Variants in IQCM observed in about 807,000 individuals in gnomAD.
IQCM encodes IQ motif containing M, also known as IQ domain-containing protein M.
Under a neutral mutation model 57.6 loss-of-function variants are expected in IQCM, and 45 were observed. That is an observed-to-expected ratio of 0.78 (90% CI 0.62 to 1.00). IQCM has a LOEUF of 1.00. Among genes scored for constraint, IQCM ranks in the 50% least tolerant of loss-of-function variants. IQCM has a pLI of 0.00. For synonymous variants in IQCM, 148 were observed against 158.9 expected (o/e 0.93, Z 0.51); for missense variants, 468 against 511.6 (o/e 0.91, Z 0.82).
intron 2 of IQCM, among the ~76,000 whole-genome samples, chr4:149,773,077 C>T (rs1286815531): frequency 6.6e-6 from 1 of 152,138 alleles, no homozygotes. Context: ...ATCGGCCGGG[C>T]GTGGTGGCTC....
At chr4:149,431,441 C>A (rs961643417) in intron 13 of IQCM, among the ~76,000 whole-genome samples, 1 of 151,778 alleles carries the variant, frequency 6.6e-6, no homozygotes, top group African/African-American at 2.4e-5. Context: ...TTCTTATGGA[C>A]TTTTTGGCCA....
chr4:149,744,483 G>A (rs550597308), intron 2 of IQCM, among the ~76,000 whole-genome samples: 2 of 152,252 alleles, frequency 1.3e-5, no homozygotes, highest in South Asian at 2.1e-4. Flanking sequence ...AGTGTGCCAG[G>A]AGTGTCAGCC....
At position 149,597,405 on chromosome 4, in the gene IQCM, T is replaced by C. The variant is rs574463100; in HGVS notation, c.682-9408A>G. ...TGTGCTTTTTTTCTTTGTTTTTTGTTTTTGAGATAGAGTCTCGCTCTGCTG... is the reference window on the plus strand; with the variant it reads ...TGTGCTTTTTTTCTTTGTTTTTTGTCTTTGAGATAGAGTCTCGCTCTGCTG... On this transcript the variant is annotated intron_variant, in intron 8 of 13. Coordinates refer to ENST00000636793, the MANE Select transcript of IQCM (RefSeq NM_001363507.2). 2.8e-3 allele frequency among the ~76,000 whole-genome samples: 431 copies of C among 152,298 alleles called. 4 individuals carry two copies. The highest frequency in any genetic ancestry group is 5.0e-3 in the Non-Finnish European group (340 of 68,018).
At chr4:149,591,185 AC>A (rs1276985503) in intron 8 of IQCM, among the ~76,000 whole-genome samples, 3 of 152,038 alleles carry the variant, frequency 2.0e-5, no homozygotes, top group East Asian at 3.9e-4. Context: ...ATATTTTTAC[AC>A]CTGAGGCTTC....
In IQCM at chr4:149,738,999, T is replaced by C. The variant is rs557058947; in HGVS notation, c.38-3541A>G. Among the ~76,000 whole-genome samples, 22 of 152,320 alleles carry C rather than the reference T, an allele frequency of 1.4e-4. No individual in the cohort carries two copies. The South Asian group carries it at 3.3e-3, about 23-fold the overall frequency. ...ACAACATTTTTATTAAAGCTCCATC[T>C]AGTCAATAATCTTTGAGGCTTCTCT... On this transcript the variant is annotated intron_variant, in intron 3 of 13. Coordinates refer to ENST00000636793, the MANE Select transcript of IQCM (RefSeq NM_001363507.2).
At chr4:149,725,272 C>T (rs1016736220) in intron 5 of IQCM, among the ~76,000 whole-genome samples, 6 of 152,122 alleles carry the variant, frequency 3.9e-5, no homozygotes, top group East Asian at 1.9e-4. Context: ...ACTCTAAACA[C>T]GCAGTACACA....
At chr4:149,528,165 T>C (rs926075122) in intron 12 of IQCM, among the ~76,000 whole-genome samples, 1 of 151,990 alleles carries the variant, frequency 6.6e-6, no homozygotes, top group African/African-American at 2.4e-5. Flanking sequence ...TTTGTATTTT[T>C]ATTAGAGATG....
chr4:149,666,476 G>C (rs1304980981), intron 7 of IQCM, among the ~76,000 whole-genome samples: 1 of 152,096 alleles, frequency 6.6e-6, no homozygotes, highest in Non-Finnish European at 1.5e-5. Context: ...CAGGGCCCTG[G>C]GTTTCAAGCA....
intron 13 of IQCM, among the ~76,000 whole-genome samples, chr4:149,431,651 T>C (rs1213613028): frequency 1.3e-5 from 2 of 152,088 alleles, no homozygotes; most frequent in South Asian, 2.1e-4. Flanking sequence ...AACACTACCA[T>C]CAAATTTAAG....
At chr4:149,800,758 T>C (rs779842687) in intron 2 of IQCM, among the ~76,000 whole-genome samples, 4 of 151,448 alleles carry the variant, frequency 2.6e-5, no homozygotes, top group Non-Finnish European at 4.4e-5. Context: ...CACACATAAA[T>C]TTACCTAGGA....
chr4:149,440,269 T>C (rs1579063373), intron 12 of IQCM, among the ~76,000 whole-genome samples: 2 of 151,746 alleles, frequency 1.3e-5, no homozygotes, highest in Admixed American at 6.6e-5. Flanking sequence ...GCCCAGCAAG[T>C]GTAGCTATTC....
intron 12 of IQCM, among the ~76,000 whole-genome samples, chr4:149,481,798 T>C (rs1194273816): frequency 6.8e-6 from 1 of 146,794 alleles, no homozygotes; most frequent in Non-Finnish European, 1.5e-5. Context: ...CAAAAAAAAT[T>C]TATGTGAAGA....
At chr4:149,575,835 G>C (rs72957408) in intron 9 of IQCM, among the ~76,000 whole-genome samples, 4 of 139,638 alleles carry the variant, frequency 2.9e-5, no homozygotes, top group African/African-American at 1.1e-4. Flanking sequence ...ATCAGGCATG[G>C]GTGCAGGAGG....
At chr4:149,788,515 G>A (rs1337525035) in intron 2 of IQCM, among the ~76,000 whole-genome samples, 1 of 152,158 alleles carries the variant, frequency 6.6e-6, no homozygotes, top group Non-Finnish European at 1.5e-5. Context: ...TGAGGGTGTG[G>A]AGAAAATGGA....
chr4:149,782,089 C>T (rs1160465741), intron 2 of IQCM, among the ~76,000 whole-genome samples: 1 of 151,844 alleles, frequency 6.6e-6, no homozygotes, highest in Non-Finnish European at 1.5e-5. Flanking sequence ...ATAATAATAA[C>T]AATACTTAGC....
chr4:149,608,815 G>A (rs1247804267), intron 8 of IQCM, among the ~76,000 whole-genome samples: 1 of 151,338 alleles, frequency 6.6e-6, no homozygotes, highest in East Asian at 1.9e-4. Flanking sequence ...GCAGAAAACA[G>A]TCAAATAACC....
At chr4:149,434,674 C>G (rs1735182022) in intron 12 of IQCM, among the ~76,000 whole-genome samples, 1 of 152,080 alleles carries the variant, frequency 6.6e-6, no homozygotes, top group Admixed American at 6.6e-5. Context: ...CCATCCTTTA[C>G]TGTCCTGCTT....
chr4:149,621,274 A>C, intron 7 of IQCM, 30 bp from the exon 8 acceptor site: 3 of 1,057,128 alleles, frequency 2.8e-6, no homozygotes, highest in Non-Finnish European at 3.6e-6. Flanking sequence ...AGGTTAAAAC[A>C]ATATCTATCC....
intron 13 of IQCM, among the ~76,000 whole-genome samples, chr4:149,383,645 A>G (rs190384088): frequency 6.6e-6 from 1 of 152,262 alleles, no homozygotes; most frequent in East Asian, 1.9e-4. Flanking sequence ...TAATCTTCAT[A>G]TTCTCTATAG....
Sources: gnomAD v4.1 joint callset for allele counts (sites outside exome capture counted in the v4.1 genomes callset) on GRCh38, gnomAD v4.1.1 for gene constraint, MANE v1.5 for transcripts, NCBI Gene and HGNC (gene_info 2026-07-23, HGNC 2026-07-21) for gene names.